The following STX11 variants were observed in gnomAD, a reference collection of about 807,000 sequenced individuals.
STX11 encodes the protein syntaxin 11, also known as syntaxin-11.
In STX11, 21 loss-of-function variants were observed where a neutral mutation model predicts 19.9. The ratio of observed to expected loss-of-function variants is 1.06; its 90% CI spans 0.75 to 1.52. The LOEUF is 1.52. Ranked by LOEUF, STX11 falls within the 40% of genes most tolerant of loss-of-function variation. The pLI is 0.00. For missense variants in STX11, 438 were observed against 405.9 expected (o/e 1.08, Z -0.68); for synonymous variants, 193 against 174.4 (o/e 1.11, Z -0.84).
In STX11 at chr6:144,155,717, A is replaced by G. The variant is rs117358557; in HGVS notation, c.-6+5014A>G. Among the ~76,000 whole-genome samples the G allele has an allele frequency of 6.6e-6, 1 of 152,150 alleles. No homozygotes were observed. Among genetic ancestry groups the G allele is most frequent in the African/African-American group, 2.4e-5 (1 of 41,436 alleles). ...CACCTCTAAGGCTCCTCCCCGTCCT[A>G]ATAACCATTCTGTGTCTTTTACTAA... On this transcript the variant is annotated intron_variant, in intron 1 of 1. Transcript: ENST00000367568. This position sits in a 1 kb window ranked among gnomAD's most constrained non-coding sequence, Gnocchi z 4.5.
intron 1 of STX11, among the ~76,000 whole-genome samples, chr6:144,163,085 A>G (rs1315872662): frequency 6.6e-6 from 1 of 152,238 alleles, no homozygotes; most frequent in Non-Finnish European, 1.5e-5. Context: ...CATTGTAAAT[A>G]CATAGAAAAC....
rs1200950795 is a variant in STX11, at chr6:144,174,544, G to T, written c.-5-12079G>T. 6.6e-6 allele frequency among the ~76,000 whole-genome samples: 1 copy of T among 151,776 alleles called. No homozygotes were observed. Among genetic ancestry groups the T allele is most frequent in the East Asian group, 1.9e-4 (1 of 5,136 alleles). ...ACCACCACACCCGGCTAATTTTTGT[G>T]TTTTTGTAGAGCTGGATTTTGCCCT... On this transcript the variant is annotated intron_variant, in intron 1 of 1. Coordinates refer to ENST00000367568, the MANE Select transcript of STX11 (RefSeq NM_003764.4). This position sits in a 1 kb window ranked among gnomAD's most constrained non-coding sequence, Gnocchi z 5.3.
At chr6:144,145,274 T>C in the STX11 span, among the ~76,000 whole-genome samples, 2 of 152,228 alleles carry the variant, frequency 1.3e-5, no homozygotes, top group Non-Finnish European at 2.9e-5. Context: ...ACTAAAGTCA[T>C]AATGCCAAGT....
rs1562655426 is a variant in STX11, at chr6:144,155,986, CTTTCTTTCTTTCTTTCTTTCTT to C, written c.-6+5285_-6+5306del. On this transcript the variant is annotated intron_variant, in intron 1 of 1. Transcript: ENST00000367568. The surrounding 1 kb of genome is among the most constrained non-coding windows in gnomAD (Gnocchi z 4.5). ...TCTTTCTTTCTTTCTTTCTTTCTTT[CTTTCTTTCTTTCTTTCTTTCTT>C]TCTTTCTCTCTTTCTCTCCTTCCTT... is the stretch of plus-strand genomic sequence containing the variant. 1.5e-4 allele frequency among the ~76,000 whole-genome samples: 20 copies of C among 131,662 alleles called. 1 individual carries two copies. The highest frequency in any genetic ancestry group is 7.6e-4 in the African/African-American group (20 of 26,392). The allele number at this position is 131,662 out of a possible 152,430, so 86.4% of individuals were successfully genotyped here.
At chr6:144,161,295 C>T (rs1483625003) in intron 1 of STX11, among the ~76,000 whole-genome samples, 1 of 152,164 alleles carries the variant, frequency 6.6e-6, no homozygotes, top group African/African-American at 2.4e-5. Context: ...AGTGTCACTT[C>T]ATCTGAAAAC....
At chr6:144,140,258 A>ATATATATATG in the STX11 span, among the ~76,000 whole-genome samples, 1 of 52,506 alleles carries the variant, frequency 1.9e-5, no homozygotes, top group Admixed American at 1.7e-4. Flanking sequence ...ATATATATTT[A>ATATATATATG]TTTATTTATT....
At chr6:144,144,147 C>CTAGG in the STX11 span, among the ~76,000 whole-genome samples, 1 of 152,158 alleles carries the variant, frequency 6.6e-6, no homozygotes, top group African/African-American at 2.4e-5. Flanking sequence ...AGGTATTGTG[C>CTAGG]TAGGCTCTAG....
the STX11 span, among the ~76,000 whole-genome samples, chr6:144,141,653 T>TTTG: frequency 0.093 from 13,975 of 150,406 alleles, 657 homozygotes; most frequent in Non-Finnish European, 0.11. Context: ...TATTTTCAGT[T>TTTG]TTGTTGTTGT....
In STX11 at chr6:144,153,052, C is replaced by G. The variant is rs989961061; in HGVS notation, c.-6+2349C>G. Reference sequence around the variant, plus strand: ...TGTGAGCCAAAATGAATAAATCTACCGTATCACAGTTTACTGTTGCAATTG... The same window carrying G: ...TGTGAGCCAAAATGAATAAATCTACGGTATCACAGTTTACTGTTGCAATTG... On this transcript the variant is annotated intron_variant, in intron 1 of 1. Transcript: ENST00000367568. The surrounding 1 kb of genome is among the most constrained non-coding windows in gnomAD (Gnocchi z 5.0). Among the ~76,000 whole-genome samples the G allele has an allele frequency of 6.6e-6, 1 of 152,180 alleles. No homozygotes were observed. The highest frequency in any genetic ancestry group is 2.4e-5 in the African/African-American group (1 of 41,438).
rs1263082768 is a variant in STX11 at position 144,170,164 on chromosome 6, C to T, written c.-5-16459C>T. On this transcript the variant is annotated intron_variant, in intron 1 of 1. Transcript: ENST00000367568. The surrounding 1 kb of genome is among the most constrained non-coding windows in gnomAD (Gnocchi z 4.7). ...TAAACGCTTCCCCTTTTTCTTGTCA[C>T]TGTTACTCATAGAAGTATCTGCAGG... Among the ~76,000 whole-genome samples, 1 of 152,120 alleles carries T rather than the reference C, an allele frequency of 6.6e-6. No homozygotes were observed. The highest frequency in any genetic ancestry group is 1.5e-5 in the Non-Finnish European group (1 of 68,024).
chr6:144,149,974 AATG>A (rs1382272720), upstream of STX11, among the ~76,000 whole-genome samples: 5 of 151,098 alleles, frequency 3.3e-5, no homozygotes, highest in Non-Finnish European at 5.9e-5. This position sits in a 1 kb window ranked among gnomAD's most constrained non-coding sequence, Gnocchi z 5.1. Context: ...ATATCCAGAG[AATG>A]ATGAGCCCGG....
intron 1 of STX11, among the ~76,000 whole-genome samples, chr6:144,173,908 C>A (rs150295176): frequency 6.6e-6 from 1 of 152,352 alleles, no homozygotes; most frequent in Non-Finnish European, 1.5e-5. Context: ...GGTTTCTGTT[C>A]TGGCAGCATG....
intron 1 of STX11, 64 bp from the exon 2 acceptor site, chr6:144,186,559 A>G: frequency 6.2e-7 from 1 of 1,609,146 alleles, no homozygotes; most frequent in Non-Finnish European, 8.5e-7. Context: ...TTAAGTTTCA[A>G]TCCCTTGAAG....
rs1427555553 is a variant in STX11 at position 144,165,192 on chromosome 6, C to T, written c.-6+14489C>T. On this transcript the variant is annotated intron_variant, in intron 1 of 1. Coordinates refer to ENST00000367568, the MANE Select transcript of STX11 (RefSeq NM_003764.4). The surrounding 1 kb of genome is among the most constrained non-coding windows in gnomAD (Gnocchi z 5.8). ...TTTCTTGGCCGGGCGCGGTGGCTCA[C>T]GCCTGTAATCCCAGCACTTTGGGAG... Among the ~76,000 whole-genome samples the T allele has an allele frequency of 1.3e-5, 2 of 151,974 alleles. No individual in the cohort carries two copies. The highest frequency in any genetic ancestry group is 2.4e-5 in the African/African-American group (1 of 41,382).
rs1801678525 is a variant in STX11, at chr6:144,172,957, G to A, written c.-5-13666G>A. Among the ~76,000 whole-genome samples, 1 of 152,064 alleles carries A rather than the reference G, an allele frequency of 6.6e-6. No homozygotes were observed. The highest frequency in any genetic ancestry group is 1.5e-5 in the Non-Finnish European group (1 of 68,032). Reference sequence around the variant, plus strand: ...CCATAGCAGTTCTGTCCAAGCACATGTTACCAGGTGCCCCTGATCCTGGGC... The same window carrying A: ...CCATAGCAGTTCTGTCCAAGCACATATTACCAGGTGCCCCTGATCCTGGGC... On this transcript the variant is annotated intron_variant, in intron 1 of 1. Transcript: ENST00000367568. This position sits in a 1 kb window ranked among gnomAD's most constrained non-coding sequence, Gnocchi z 4.2.
rs756068979 is a variant in STX11 at position 144,186,726 on chromosome 6, C to T, written c.99C>T (p.Ile33=). The T allele has an allele frequency of 1.9e-6, 3 of 1,614,194 alleles. No individual in the cohort carries two copies. Among genetic ancestry groups the T allele is most frequent in the South Asian group, 2.2e-5 (2 of 91,088 alleles). Residue 33 remains isoleucine, a synonymous_variant, in exon 2 of 2, where the codon ATC becomes ATT. Transcript: ENST00000367568. ...AGTTTGACTCGCCCCACGAGGACATCGTGTTCGAGACGGACCACATCCTGG... is the reference window on the plus strand; with the variant it reads ...AGTTTGACTCGCCCCACGAGGACATTGTGTTCGAGACGGACCACATCCTGG... ...DDEFDSPHED[I]VFETDHILES... is the part of the protein sequence containing the mutation.
rs560931849 is a variant in STX11, at chr6:144,165,143, A to G, written c.-6+14440A>G. On this transcript the variant is annotated intron_variant, in intron 1 of 1. Coordinates refer to ENST00000367568, the MANE Select transcript of STX11 (RefSeq NM_003764.4). This position sits in a 1 kb window ranked among gnomAD's most constrained non-coding sequence, Gnocchi z 5.8. The stretch of plus-strand genomic sequence containing the variant: ...TTGTCTTCTTTGACAGGTGTAATGC[A>G]ATATATTCACTTTGAAGAAAAATTT... Among the ~76,000 whole-genome samples, 11 of 152,220 alleles carry G rather than the reference A, an allele frequency of 7.2e-5. No individual in the cohort carries two copies. The East Asian group carries it at 1.9e-3, about 27-fold the overall frequency.
In STX11 at chr6:144,187,662, A is replaced by G. The variant is rs1246024798; in HGVS notation, c.*171A>G. 8.1e-6 allele frequency: 7 copies of G among 862,528 alleles called. No homozygotes were observed. Among genetic ancestry groups the G allele is most frequent in the Admixed American group, 2.6e-5 (1 of 38,410 alleles). 53.4% of individuals were successfully genotyped at this position (862,528 alleles called of 1,614,324 possible). A position where few individuals can be genotyped will look rare whatever the true frequency, so the allele number is the denominator to read the frequency against. ...ATTGCAAACCAGCCTGTGCTTGGAA[A>G]GATGGTTAGTTGATACCGTCCGATG... is the stretch of plus-strand genomic sequence containing the variant. On this transcript the variant is annotated 3_prime_UTR_variant, in exon 2 of 2. Transcript: ENST00000367568. The surrounding 1 kb of genome is among the most constrained non-coding windows in gnomAD (Gnocchi z 5.6).
rs1801572525 is a variant in STX11 at position 144,169,596 on chromosome 6, C to T, written c.-5-17027C>T. On this transcript the variant is annotated intron_variant, in intron 1 of 1. Coordinates refer to ENST00000367568, the MANE Select transcript of STX11 (RefSeq NM_003764.4). The surrounding 1 kb of genome is among the most constrained non-coding windows in gnomAD (Gnocchi z 5.2). ...ACATGATCAAGATCTTCATTTCTAG[C>T]TTTATACAGTGTTTTCCTCCCTCCT... 2.0e-5 allele frequency among the ~76,000 whole-genome samples: 3 copies of T among 152,132 alleles called. No individual in the cohort carries two copies. The highest frequency in any genetic ancestry group is 2.0e-4 in the Admixed American group (3 of 15,260).
Sources: allele counts gnomAD v4.1 joint callset (sites outside exome capture counted in the v4.1 genomes callset), GRCh38; gene constraint gnomAD v4.1.1; non-coding constraint Gnocchi (gnomAD v3.1); transcripts MANE v1.5; gene names NCBI Gene and HGNC (gene_info 2026-07-23, HGNC 2026-07-21).